DCHS2: variants seen among roughly 807,000 people sequenced by gnomAD.
DCHS2 encodes protocadherin-23.
DCHS2 carries 142 observed loss-of-function variants against 182.4 expected under a neutral mutation model. The observed-to-expected ratio is 0.78, with a 90% confidence interval of 0.68 to 0.89. The LOEUF (loss-of-function observed/expected upper bound fraction) is 0.89, where lower values mean the gene tolerates loss of function less well. Ranked by LOEUF, DCHS2 falls within the 40% of genes least tolerant of loss-of-function variation. DCHS2 has a pLI of 0.00. For missense variants in DCHS2, 4,319 were observed against 4,198.6 expected, an observed-to-expected ratio of 1.03 and a Z score of -0.79; for synonymous variants, 1,740 against 1,663.3, an observed-to-expected ratio of 1.05 and a Z score of -1.12.
chr4:154,344,011 C>T (rs1226742320), intron 3 of DCHS2, among the ~76,000 whole-genome samples: 4 of 151,140 alleles, frequency 2.6e-5, no homozygotes, highest in Non-Finnish European at 4.4e-5. Flanking sequence ...CAAATTTCAA[C>T]ATTGCTGTGT....
intron 7 of DCHS2, chr4:154,323,265 G>A: frequency 1.3e-6 from 2 of 1,543,678 alleles, no homozygotes; most frequent in Non-Finnish European, 1.7e-6. Context: ...TTGTTTGTTT[G>A]TTTGTTTGTT....
At chr4:154,369,254 A>T (rs145038081) in intron 2 of DCHS2, among the ~76,000 whole-genome samples, 1 of 152,168 alleles carries the variant, frequency 6.6e-6, no homozygotes, top group Non-Finnish European at 1.5e-5. Flanking sequence ...AAGGGGGGAA[A>T]ATGCTGAATT....
Position 154,235,675 on chromosome 4 carries a change from T to A in DCHS2, c.8977A>T (p.Ser2993Cys). The A allele has an allele frequency of 6.2e-7, 1 of 1,614,000 alleles. No homozygotes were observed. The highest frequency in any genetic ancestry group is 1.3e-5 in the African/African-American group (1 of 75,044). Residue 2993 changes from serine (S) to cysteine (C), a missense_variant, in exon 20 of 20, where the codon AGC (serine) becomes TGC (cysteine). Ser to Cys is a moderately radical substitution (Grantham distance 112). Coordinates refer to ENST00000357232, the MANE Select transcript of DCHS2 (RefSeq NM_001358235.2). ...GAGACCACCAGGCTGATTGAAAAGC[T>A]GCTGGCGAACACTGCCAAGGGTGTT... ...EGTPLAVFASSFSISLVVSFL... is the reference protein window; with the variant it reads ...EGTPLAVFASCFSISLVVSFL...
At chr4:154,254,675 A>G (rs879329956) in intron 16 of DCHS2, among the ~76,000 whole-genome samples, 1 of 152,130 alleles carries the variant, frequency 6.6e-6, no homozygotes, top group Admixed American at 6.5e-5. Context: ...CATCTCTACT[A>G]AAAATACAAA....
At chr4:154,276,032 A>C (rs973838442) in intron 13 of DCHS2, among the ~76,000 whole-genome samples, 1 of 152,144 alleles carries the variant, frequency 6.6e-6, no homozygotes, top group African/African-American at 2.4e-5. Context: ...ACAAAGTCCA[A>C]ATTGGAGATT....
intron 9 of DCHS2, 57 bp downstream of exon 9, chr4:154,320,322 G>GT (rs1736006847): frequency 1.9e-6 from 3 of 1,545,656 alleles, no homozygotes; most frequent in Non-Finnish European, 2.6e-6. Flanking sequence ...TGGGTCTCAT[G>GT]TTTTCTTACC....
chr4:154,262,685 A>G (rs970564332), intron 14 of DCHS2, among the ~76,000 whole-genome samples: 8 of 152,228 alleles, frequency 5.3e-5, no homozygotes, highest in Admixed American at 6.5e-5. Context: ...ACTTCCATCA[A>G]TTATATACTG....
At chr4:154,256,349 G>T (rs1398339816) in intron 15 of DCHS2, among the ~76,000 whole-genome samples, 5 of 152,068 alleles carry the variant, frequency 3.3e-5, no homozygotes, top group African/African-American at 1.2e-4. Flanking sequence ...TGCCCAGGCT[G>T]GTCTTGAACT....
intron 1 of DCHS2, among the ~76,000 whole-genome samples, chr4:154,383,724 A>G (rs1731272296): frequency 6.6e-6 from 1 of 152,102 alleles, no homozygotes; most frequent in Non-Finnish European, 1.5e-5. Flanking sequence ...CCAGCCATTT[A>G]TATCAGCCAG....
intron 4 of DCHS2, 191 bp downstream of exon 4, chr4:154,334,677 T>C: frequency 1.8e-6 from 1 of 556,700 alleles, no homozygotes. Flanking sequence ...ATTTTTGTGA[T>C]CAGAAAAAAA....
chr4:154,437,910 G>A (rs367854942), intron 1 of DCHS2, among the ~76,000 whole-genome samples: 5 of 152,138 alleles, frequency 3.3e-5, no homozygotes, highest in African/African-American at 1.2e-4. Flanking sequence ...GATGGCTCAT[G>A]CCTGTAATCC....
chr4:154,466,792 C>T (rs1329231942), intron 1 of DCHS2, among the ~76,000 whole-genome samples: 1 of 152,104 alleles, frequency 6.6e-6, no homozygotes, highest in African/African-American at 2.4e-5. Context: ...AGAGACAAGA[C>T]TTTTTGTTTT....
chr4:154,423,467 C>G (rs1391907003), intron 1 of DCHS2, among the ~76,000 whole-genome samples: 7 of 152,172 alleles, frequency 4.6e-5, no homozygotes, highest in Admixed American at 3.9e-4. Context: ...TCCTACAAAA[C>G]CAGAAACCAT....
At position 154,306,792 on chromosome 4, in the gene DCHS2, T is replaced by C. The variant is rs994918157; in HGVS notation, c.5261-1561A>G. 1.8e-4 allele frequency among the ~76,000 whole-genome samples: 27 copies of C among 152,164 alleles called. 1 individual carries two copies. The highest frequency in any genetic ancestry group is 6.3e-4 in the African/African-American group (26 of 41,452). ...ACATATTATAGAATGCTATATATTA[T>C]ACATTTTTAATTCTCACCACTTGCC... On this transcript the variant is annotated intron_variant, in intron 10 of 19. Coordinates refer to ENST00000357232, the MANE Select transcript of DCHS2 (RefSeq NM_001358235.2).
Position 154,304,657 on chromosome 4 carries a change from A to AAACAAACAAACAAACT in DCHS2, c.5605+11_5605+12insAGTTTGTTTGTTTGTT. 8.8e-7 allele frequency: 1 copy of AAACAAACAAACAAACT among 1,142,092 alleles called. No homozygotes were observed. Among genetic ancestry groups the AAACAAACAAACAAACT allele is most frequent in the Non-Finnish European group, 1.2e-6 (1 of 816,068 alleles). 70.7% of individuals were successfully genotyped at this position (1,142,092 alleles called of 1,614,324 possible). A position where few individuals can be genotyped will look rare whatever the true frequency, so the allele number is the denominator to read the frequency against. On this transcript the variant is annotated intron_variant, in intron 12 of 19. Transcript: ENST00000357232. ...AAAACAAACAAACAAACAAACAAAC[A>AAACAAACAAACAAACT]AACAAACTTACCAATTATGTGATAT... is the stretch of plus-strand genomic sequence containing the variant.
chr4:154,436,837 G>T (rs1450868101), intron 1 of DCHS2, among the ~76,000 whole-genome samples: 1 of 151,960 alleles, frequency 6.6e-6, no homozygotes, highest in Non-Finnish European at 1.5e-5. Flanking sequence ...AAATACACAG[G>T]GGATTTCAAA....
At position 154,320,588 on chromosome 4, in the gene DCHS2, A is replaced by G. The variant is rs201892633; in HGVS notation, c.4811T>C (p.Leu1604Pro). ...ATCCAAAATCACTATTTGTGCTGTC[A>G]GTGATCTCAGTCGCCGGTCTGTCAC... ...VNVTDRRLRSLTAQIVILDVN... is the reference protein window; with the variant it reads ...VNVTDRRLRSPTAQIVILDVN... The change falls in exon 9 of 20, where the codon CTG becomes CCG. Residue 1604 changes from leucine (L) to proline (P), a missense_variant. Leu to Pro is a moderately conservative substitution (Grantham distance 98). Coordinates refer to ENST00000357232, the MANE Select transcript of DCHS2 (RefSeq NM_001358235.2). 1.7e-4 allele frequency: 276 copies of G among 1,614,020 alleles called. No individual in the cohort carries two copies. The highest frequency in any genetic ancestry group is 4.2e-4 in the Admixed American group (25 of 59,972).
At chr4:154,399,224 C>A (rs1732056543) in intron 1 of DCHS2, among the ~76,000 whole-genome samples, 1 of 152,142 alleles carries the variant, frequency 6.6e-6, no homozygotes, top group South Asian at 2.1e-4. Flanking sequence ...ATTCCCAGAA[C>A]CTTTAAGAAT....
At chr4:154,254,816 G>A (rs1251164148) in intron 16 of DCHS2, among the ~76,000 whole-genome samples, 2 of 151,832 alleles carry the variant, frequency 1.3e-5, no homozygotes, top group East Asian at 1.9e-4. Context: ...CAGTCTGGGC[G>A]ACAGAATAAG....
Sources: gnomAD v4.1 joint callset for allele counts (sites outside exome capture counted in the v4.1 genomes callset) on GRCh38, gnomAD v4.1.1 for gene constraint, MANE v1.5 for transcripts, NCBI Gene and HGNC (gene_info 2026-07-23, HGNC 2026-07-21) for gene names.